C8B: variants seen among roughly 807,000 people sequenced by gnomAD.
C8B encodes the protein complement component C8 beta chain.
C8B carries 67 observed loss-of-function variants against 64.6 expected under a neutral mutation model. The observed-to-expected ratio is 1.04, with a 90% CI of 0.85 to 1.27. C8B has a LOEUF of 1.27. Among genes scored for constraint, C8B ranks in the 50% most tolerant of loss-of-function variants. The probability of loss-of-function intolerance (pLI) is 0.00; values close to 1 mark genes in which losing one functional copy is unlikely to be tolerated. For missense variants in C8B, 790 were observed against 725.2 expected (o/e 1.09, Z -1.03); for synonymous variants, 284 against 257.7 (o/e 1.10, Z -0.98).
chr1:56,950,617 G>A (rs951248340), intron 5 of C8B, among the ~76,000 whole-genome samples: 1 of 152,208 alleles, frequency 6.6e-6, no homozygotes, highest in Non-Finnish European at 1.5e-5. Flanking sequence ...ACAAGGGGAA[G>A]GAGGAGCAGT....
intron 2 of C8B, among the ~76,000 whole-genome samples, chr1:56,957,906 A>G (rs1429349353): frequency 1.3e-5 from 2 of 152,168 alleles, no homozygotes; most frequent in Non-Finnish European, 2.9e-5. Context: ...ACTAAGTGAC[A>G]CCTCAGCTGA....
intron 9 of C8B, among the ~76,000 whole-genome samples, chr1:56,937,445 C>G (rs1644791212): frequency 1.3e-5 from 2 of 152,186 alleles, no homozygotes; most frequent in Non-Finnish European, 2.9e-5. Context: ...ATGACCTATG[C>G]TATCCTGATC....
At chr1:56,951,446 A>G (rs181030856) in intron 5 of C8B, among the ~76,000 whole-genome samples, 28 of 152,160 alleles carry the variant, frequency 1.8e-4, no homozygotes, top group African/African-American at 6.5e-4. Flanking sequence ...GGGCTATTCT[A>G]TACCCCACTG....
intron 1 of C8B, among the ~76,000 whole-genome samples, chr1:56,963,033 C>G (rs759881774): frequency 6.6e-6 from 1 of 152,048 alleles, no homozygotes; most frequent in African/African-American, 2.4e-5. Flanking sequence ...TTATATTTTC[C>G]CAATGTTTTG....
At chr1:56,954,012 G>T (rs1483113551) in intron 4 of C8B, among the ~76,000 whole-genome samples, 2 of 152,162 alleles carry the variant, frequency 1.3e-5, no homozygotes, top group South Asian at 4.1e-4. Flanking sequence ...CCCATTCGGG[G>T]TCAGTGTTCC....
In C8B at chr1:56,956,765, A is replaced by T; in HGVS notation, c.391+4T>A. On this transcript the variant is annotated splice_donor_region_variant and intron_variant, in intron 3 of 11. Coordinates refer to ENST00000371237, the MANE Select transcript of C8B (RefSeq NM_000066.4). ...TCCCCTCTTACTCCTACATTGATTTATACCTGTCTGTGCACACACAAAGCC... is the reference window on the plus strand; with the variant it reads ...TCCCCTCTTACTCCTACATTGATTTTTACCTGTCTGTGCACACACAAAGCC... 1 of 1,613,938 alleles carries T rather than the reference A, an allele frequency of 6.2e-7. No homozygotes were observed. The highest frequency in any genetic ancestry group is 8.5e-7 in the Non-Finnish European group (1 of 1,179,938).
In C8B at chr1:56,956,817, G is replaced by T; in HGVS notation, c.343C>A (p.Pro115Thr). Residue 115 changes from proline to threonine, a missense_variant, in exon 3 of 12, where the codon CCA becomes ACA. Coordinates refer to ENST00000371237, the MANE Select transcript of C8B (RefSeq NM_000066.4). ...KEVEDCVTNRPCGSQVRCEGF... is the reference protein window; with the variant it reads ...KEVEDCVTNRTCGSQVRCEGF... Reference sequence around the variant, plus strand: ...TCACATCGCACTTGACTTCCGCATGGTCTGTTGGTAACACAGTCTTCGACT... The same window carrying T: ...TCACATCGCACTTGACTTCCGCATGTTCTGTTGGTAACACAGTCTTCGACT... The T allele has an allele frequency of 6.2e-7, 1 of 1,614,080 alleles. No homozygotes were observed. The highest frequency in any genetic ancestry group is 8.5e-7 in the Non-Finnish European group (1 of 1,180,000).
chr1:56,940,935 G>T lies in C8B; in HGVS notation c.1312C>A (p.Leu438Met). 1.2e-6 allele frequency: 2 copies of T among 1,614,104 alleles called. No homozygotes were observed. Among genetic ancestry groups the T allele is most frequent in the Non-Finnish European group, 1.7e-6 (2 of 1,180,014 alleles). The change falls in exon 9 of 12, where the codon CTG becomes ATG. Residue 438 changes from leucine to methionine, a missense_variant. Physicochemically the swap from Leu to Met is conservative, Grantham distance 15. Transcript: ENST00000371237. Reference sequence around the variant, plus strand: ...GCCGTCGGCAGCTCCTGGTATGCCAGGGTGGTGATGTGCTCACTTGCCCCT... The same window carrying T: ...GCCGTCGGCAGCTCCTGGTATGCCATGGTGGTGATGTGCTCACTTGCCCCT... ...RGGASEHITTLAYQELPTADL... is the reference protein window; with the variant it reads ...RGGASEHITTMAYQELPTADL...
At chr1:56,959,254 C>T (rs1018311041) in intron 2 of C8B, among the ~76,000 whole-genome samples, 1 of 152,150 alleles carries the variant, frequency 6.6e-6, no homozygotes, top group African/African-American at 2.4e-5. Flanking sequence ...CTATTCTGTG[C>T]CAGAGATTGG....
rs1644659674 is a variant in C8B, at chr1:56,929,289, C to T, written c.*115G>A. On this transcript the variant is annotated 3_prime_UTR_variant, in exon 12 of 12. Transcript: ENST00000371237. ...TCTTTATTTTAAACAGCTTGCATGG[C>T]ACTGCCTTTTGCCCTTGCATGAACT... The T allele has an allele frequency of 1.9e-6, 2 of 1,026,178 alleles. No homozygotes were observed. The highest frequency in any genetic ancestry group is 3.4e-5 in the Admixed American group (2 of 59,026). The allele number at this position is 1,026,178 out of a possible 1,614,324, so 63.6% of individuals were successfully genotyped here.
intron 7 of C8B, among the ~76,000 whole-genome samples, chr1:56,944,826 G>A (rs780867590): frequency 3.9e-5 from 6 of 152,178 alleles, no homozygotes; most frequent in African/African-American, 1.4e-4. Flanking sequence ...GCAAGTACAT[G>A]GACTGGTAAT....
Position 56,940,898 on chromosome 1 carries a change from T to G in C8B, c.1349A>C (p.Gln450Pro), listed in dbSNP as rs1247874311. ...YQELPTADLM[Q>P]EWGDAVQYNP... Reference sequence around the variant, plus strand: ...GTACTGCACAGCGTCTCCCCACTCCTGCATCAGGTCCGCCGTCGGCAGCTC... The same window carrying G: ...GTACTGCACAGCGTCTCCCCACTCCGGCATCAGGTCCGCCGTCGGCAGCTC... Residue 450 changes from glutamine (Q) to proline (P), a missense_variant, in exon 9 of 12, where the codon CAG (glutamine) becomes CCG (proline). By Grantham distance (76) the Gln-to-Pro change is moderately conservative (BLOSUM62 -1). Coordinates refer to ENST00000371237, the MANE Select transcript of C8B (RefSeq NM_000066.4). 1 of 1,614,058 alleles carries G rather than the reference T, an allele frequency of 6.2e-7. No individual in the cohort carries two copies. The highest frequency in any genetic ancestry group is 1.1e-5 in the South Asian group (1 of 91,076).
At chr1:56,958,024 C>T (rs1010696580) in intron 2 of C8B, among the ~76,000 whole-genome samples, 2 of 152,054 alleles carry the variant, frequency 1.3e-5, no homozygotes, top group African/African-American at 4.8e-5. Flanking sequence ...GCTGAGAGGA[C>T]TAGAGAAGGT....
At chr1:56,940,775 A>T in intron 9 of C8B, 74 bp downstream of exon 9, 2 of 1,557,710 alleles carry the variant, frequency 1.3e-6, no homozygotes, top group South Asian at 2.2e-5. Flanking sequence ...TGCATTTTAT[A>T]CCTTGGCTCA....
intron 1 of C8B, among the ~76,000 whole-genome samples, chr1:56,963,611 G>T (rs945109157): frequency 6.6e-6 from 1 of 152,014 alleles, no homozygotes. Context: ...AGGGGACAAC[G>T]CATTAGTGAG....
intron 4 of C8B, among the ~76,000 whole-genome samples, chr1:56,953,205 T>A (rs1179077407): frequency 6.6e-6 from 1 of 152,224 alleles, no homozygotes; most frequent in Non-Finnish European, 1.5e-5. Context: ...CTCTAACTAC[T>A]GAAATTTCTG....
Position 56,952,169 on chromosome 1 carries a change from A to G in C8B, c.545T>C (p.Phe182Ser), listed in dbSNP as rs140192392. Residue 182 changes from phenylalanine to serine, a missense_variant, in exon 5 of 12, where the codon TTC (phenylalanine) becomes TCC (serine). Transcript: ENST00000371237. ...AACTGGGCCCTCAAAACTGTTTGTG[A>G]ACAAATTTATCCTGTGAGGAAGAGA... ...IGSLASGINL[F>S]TNSFEGPVLD... 1 of 1,614,080 alleles carries G rather than the reference A, an allele frequency of 6.2e-7. No individual in the cohort carries two copies. Among genetic ancestry groups the G allele is most frequent in the Non-Finnish European group, 8.5e-7 (1 of 1,180,022 alleles).
intron 3 of C8B, 66 bp downstream of exon 3, chr1:56,956,703 C>T (rs1230791770): frequency 6.3e-7 from 1 of 1,575,074 alleles, no homozygotes; most frequent in Non-Finnish European, 8.7e-7. Flanking sequence ...ATGGCCTGTC[C>T]CTTGGTCATC....
chr1:56,955,414 A>T (rs192497041), intron 3 of C8B, among the ~76,000 whole-genome samples: 182 of 152,298 alleles, frequency 1.2e-3, no homozygotes, highest in African/African-American at 3.6e-3. Context: ...AGTCATTTGG[A>T]TTATGAAAAA....
Sources: gnomAD v4.1 joint callset for allele counts (sites outside exome capture counted in the v4.1 genomes callset) on GRCh38, gnomAD v4.1.1 for gene constraint, MANE v1.5 for transcripts, NCBI Gene and HGNC (gene_info 2026-07-23, HGNC 2026-07-21) for gene names.